Variants in RBMS3 observed in about 807,000 individuals in gnomAD.
RBMS3 encodes RNA-binding motif, single-stranded-interacting protein 3.
A neutral mutation model predicts 66.8 loss-of-function variants in RBMS3; 27 were observed. That is an observed-to-expected ratio of 0.40 (90% confidence interval 0.30 to 0.56). The LOEUF (loss-of-function observed/expected upper bound fraction) is 0.56. Ranked by LOEUF, RBMS3 falls within the 20% of genes least tolerant of loss-of-function variation. The pLI is 0.40. For missense variants in RBMS3, 513 were observed against 549.5 expected, an observed-to-expected ratio of 0.93 and a Z score of 0.66; for synonymous variants, 188 against 183.0, an observed-to-expected ratio of 1.03 and a Z score of -0.22.
intron 2 of RBMS3, among the ~76,000 whole-genome samples, chr3:29,485,921 G>GA (rs2043301176): frequency 1.3e-5 from 2 of 152,128 alleles, no homozygotes; most frequent in Admixed American, 1.3e-4. Context: ...CCTAAGAAGG[G>GA]AAAGAGTAAG....
rs1034869366 is a variant in RBMS3, at chr3:29,631,513, A to T, written c.399+44308A>T. On this transcript the variant is annotated intron_variant, in intron 4 of 14. Transcript: ENST00000383767. ...TTAACCTTCATATAAATATAAGTAT[A>T]ATTATTTTTCAATAGTTTTAGAATA... 4.6e-5 allele frequency among the ~76,000 whole-genome samples: 7 copies of T among 151,686 alleles called. No individual in the cohort carries two copies. In the East Asian group the frequency reaches 1.4e-3, roughly 29 times the overall value.
chr3:29,600,587 C>T (rs1170866138), intron 4 of RBMS3, among the ~76,000 whole-genome samples: 1 of 151,976 alleles, frequency 6.6e-6, no homozygotes, highest in Non-Finnish European at 1.5e-5. Flanking sequence ...TTAAGCAACA[C>T]AAAACTGACT....
intron 4 of RBMS3, among the ~76,000 whole-genome samples, chr3:29,654,011 G>C (rs1242368042): frequency 6.6e-6 from 1 of 152,154 alleles, no homozygotes; most frequent in African/African-American, 2.4e-5. Context: ...AGGATCTGAT[G>C]AATTATGTCC....
At chr3:29,321,678 T>C (rs2035014434) in intron 1 of RBMS3, among the ~76,000 whole-genome samples, 1 of 152,170 alleles carries the variant, frequency 6.6e-6, no homozygotes. Flanking sequence ...GTGTTCCATA[T>C]ACTTCTTGCA....
intron 8 of RBMS3, among the ~76,000 whole-genome samples, chr3:29,886,774 C>T (rs147299754): frequency 6.6e-6 from 1 of 151,376 alleles, no homozygotes; most frequent in Non-Finnish European, 1.5e-5. Context: ...GGAAAATCCT[C>T]TTAGTAGGAA....
chr3:29,554,374 G>T (rs2046275863), intron 3 of RBMS3, among the ~76,000 whole-genome samples: 1 of 152,166 alleles, frequency 6.6e-6, no homozygotes, highest in African/African-American at 2.4e-5. Flanking sequence ...TTCTAACTCA[G>T]CAATTCAGTT....
intron 3 of RBMS3, among the ~76,000 whole-genome samples, chr3:29,520,662 C>T (rs963780642): frequency 9.2e-5 from 14 of 152,122 alleles, no homozygotes; most frequent in African/African-American, 3.1e-4. Context: ...TCAGAAAACA[C>T]ATATGCACTA....
In RBMS3 at chr3:30,002,864, A is replaced by G. The variant is rs1577366044; in HGVS notation, c.1308-992A>G. Among the ~76,000 whole-genome samples, 3 of 151,954 alleles carry G rather than the reference A, an allele frequency of 2.0e-5. No individual in the cohort carries two copies. The South Asian group carries it at 6.2e-4, about 31-fold the overall frequency. ...GGGTTACAGCTTTCCTGCAGGGTACATACCTTGGGGAGCAGACGATGGGCT... is the reference window on the plus strand; with the variant it reads ...GGGTTACAGCTTTCCTGCAGGGTACGTACCTTGGGGAGCAGACGATGGGCT... On this transcript the variant is annotated intron_variant, in intron 14 of 14. Transcript: ENST00000383767.
chr3:29,873,676 C>G (rs9855506), intron 7 of RBMS3, among the ~76,000 whole-genome samples: 37,188 of 151,962 alleles, frequency 0.24, 6,053 homozygotes, highest in African/African-American at 0.47. Flanking sequence ...GTTTTTGAGA[C>G]GAATGCTTCT....
At chr3:29,955,649 T>C (rs1011889753) in intron 12 of RBMS3, among the ~76,000 whole-genome samples, 1 of 152,028 alleles carries the variant, frequency 6.6e-6, no homozygotes, top group African/African-American at 2.4e-5. Context: ...CTATAATAAA[T>C]AGACCTTGGA....
intron 1 of RBMS3, chr3:29,390,965 C>T: frequency 4.2e-6 from 1 of 240,334 alleles, no homozygotes; most frequent in Non-Finnish European, 9.6e-6. Flanking sequence ...AAAGTAGTCA[C>T]AGTCTTAGAC....
At chr3:29,494,424 C>T (rs551768745) in intron 3 of RBMS3, among the ~76,000 whole-genome samples, 2 of 152,196 alleles carry the variant, frequency 1.3e-5, no homozygotes, top group South Asian at 2.1e-4. Flanking sequence ...GCTTTCATTC[C>T]GTATAATATG....
intron 4 of RBMS3, among the ~76,000 whole-genome samples, chr3:29,650,674 A>G (rs2050115449): frequency 1.3e-5 from 2 of 152,176 alleles, no homozygotes; most frequent in Admixed American, 6.6e-5. Context: ...CTGACAAGGT[A>G]CTTGCCCGGT....
At chr3:29,398,481 A>C (rs1371304240) in intron 1 of RBMS3, among the ~76,000 whole-genome samples, 2 of 152,192 alleles carry the variant, frequency 1.3e-5, no homozygotes, top group Non-Finnish European at 1.5e-5. Context: ...CTATTGGAGT[A>C]AATAAAATAA....
chr3:29,975,756 A>G (rs1228396014), intron 12 of RBMS3, among the ~76,000 whole-genome samples: 1 of 151,898 alleles, frequency 6.6e-6, no homozygotes, highest in Non-Finnish European at 1.5e-5. Flanking sequence ...GTAACTATTG[A>G]TATCTAGTAG....
intron 5 of RBMS3, among the ~76,000 whole-genome samples, chr3:29,756,893 T>C (rs2055441475): frequency 6.6e-6 from 1 of 152,180 alleles, no homozygotes; most frequent in Non-Finnish European, 1.5e-5. Flanking sequence ...CTGGGCTCAC[T>C]ACCCTCCTGG....
At chr3:29,832,547 C>G (rs2149490373) in intron 6 of RBMS3, among the ~76,000 whole-genome samples, 1 of 152,206 alleles carries the variant, frequency 6.6e-6, no homozygotes, top group Non-Finnish European at 1.5e-5. Flanking sequence ...CCGGGCATAG[C>G]TCAGTGACAA....
chr3:29,553,259 T>G (rs1217091553), intron 3 of RBMS3, among the ~76,000 whole-genome samples: 1 of 152,220 alleles, frequency 6.6e-6, no homozygotes, highest in African/African-American at 2.4e-5. Context: ...AAGGTCAAGT[T>G]TCCTGGGAAA....
chr3:29,850,243 G>A (rs376094882), intron 6 of RBMS3, among the ~76,000 whole-genome samples: 1 of 152,142 alleles, frequency 6.6e-6, no homozygotes, highest in Non-Finnish European at 1.5e-5. Context: ...TTGCTGTTCT[G>A]TTAGTTTCTT....
Sources: gnomAD v4.1 joint callset for allele counts (sites outside exome capture counted in the v4.1 genomes callset) on GRCh38, gnomAD v4.1.1 for gene constraint, MANE v1.5 for transcripts, NCBI Gene and HGNC (gene_info 2026-07-23, HGNC 2026-07-21) for gene names.